The following ARHGAP17 variants were observed in gnomAD, a reference collection of about 807,000 sequenced individuals.
ARHGAP17 encodes Rho GTPase activating protein 17, also known as rho GTPase-activating protein 17.
A neutral mutation model predicts 99.5 loss-of-function variants in ARHGAP17; 57 were observed. That is an observed-to-expected ratio of 0.57 (90% CI 0.46 to 0.71). ARHGAP17 has a LOEUF of 0.71. Ranked by LOEUF, ARHGAP17 falls within the 30% of genes least tolerant of loss-of-function variation. The probability of loss-of-function intolerance (pLI) is 0.00; values close to 1 mark genes in which losing one functional copy is unlikely to be tolerated. For synonymous variants in ARHGAP17, 417 were observed against 429.6 expected (o/e 0.97, Z 0.36); for missense variants, 1,000 against 1,122.4 (o/e 0.89, Z 1.56).
At chr16:24,932,596 A>T (rs1447953649) in intron 18 of ARHGAP17, among the ~76,000 whole-genome samples, 1 of 152,138 alleles carries the variant, frequency 6.6e-6, no homozygotes, top group East Asian at 1.9e-4. Flanking sequence ...CAGAATTTCT[A>T]CCAATTCCGC....
At chr16:24,932,271 C>T (rs1395453714) in intron 18 of ARHGAP17, among the ~76,000 whole-genome samples, 3 of 152,124 alleles carry the variant, frequency 2.0e-5, no homozygotes, top group Non-Finnish European at 4.4e-5. Flanking sequence ...TCTATAAATT[C>T]AAAATTACTC....
intron 1 of ARHGAP17, among the ~76,000 whole-genome samples, chr16:24,988,762 C>T (rs1251030493): frequency 2.6e-5 from 4 of 152,288 alleles, no homozygotes; most frequent in African/African-American, 9.6e-5. Flanking sequence ...GCTCTAACCA[C>T]GTGGCCTGTC....
intron 16 of ARHGAP17, chr16:24,941,769 C>A: frequency 1.7e-6 from 1 of 589,534 alleles, no homozygotes; most frequent in South Asian, 2.0e-5. Flanking sequence ...AGCTGGAATA[C>A]ACGTGGAAGA....
At chr16:24,994,573 G>C (rs965359263) in intron 1 of ARHGAP17, among the ~76,000 whole-genome samples, 2 of 152,110 alleles carry the variant, frequency 1.3e-5, no homozygotes, top group Non-Finnish European at 2.9e-5. Flanking sequence ...AGGGTCCCTG[G>C]GAGTTGTCAC....
At position 24,991,158 on chromosome 16, in the gene ARHGAP17, C is replaced by T. The variant is rs543029263; in HGVS notation, c.54-12153G>A. 2.6e-5 allele frequency among the ~76,000 whole-genome samples: 4 copies of T among 152,222 alleles called. No homozygotes were observed. The South Asian group carries it at 8.3e-4, about 32-fold the overall frequency. ...GAGTCAAACATACCAGACTTTGAAA[C>T]CCAAGGCTAGACGTTCACATGTGCA... On this transcript the variant is annotated intron_variant, in intron 1 of 19. Coordinates refer to ENST00000289968, the MANE Select transcript of ARHGAP17 (RefSeq NM_001006634.3).
At chr16:24,998,611 G>A (rs192010483) in intron 1 of ARHGAP17, among the ~76,000 whole-genome samples, 35 of 152,304 alleles carry the variant, frequency 2.3e-4, no homozygotes, top group Non-Finnish European at 4.1e-4. Context: ...TCAGGAAAAC[G>A]GGACAGAAAA....
chr16:24,962,517 A>G (rs190974109), intron 7 of ARHGAP17, among the ~76,000 whole-genome samples: 7 of 152,308 alleles, frequency 4.6e-5, no homozygotes, highest in African/African-American at 1.7e-4. Flanking sequence ...AAATTTACTG[A>G]CATGTGGTCC....
chr16:24,932,742 C>A (rs556298206), intron 18 of ARHGAP17, among the ~76,000 whole-genome samples: 12 of 151,966 alleles, frequency 7.9e-5, no homozygotes, highest in Non-Finnish European at 1.6e-4. Context: ...GGGATAGGAA[C>A]CTGGGACTGA....
At position 24,939,518 on chromosome 16, in the gene ARHGAP17, G is replaced by T; in HGVS notation, c.1570C>A (p.Gln524Lys). Residue 524 changes from glutamine (Q) to lysine (K), a missense_variant, in exon 17 of 20, where the codon CAG (glutamine) becomes AAG (lysine). Around this residue, in one of 2 missense-constraint regions of ARHGAP17, gnomAD observed 528 missense variants for 511.4 expected, o/e 1.03. Coordinates refer to ENST00000289968, the MANE Select transcript of ARHGAP17 (RefSeq NM_001006634.3). ...CCATCTGTGGGCGGAAGTGGCGGCT[G>T]GAAAGCGGGGGATATGTGCTTTCTA... Reference protein sequence around the residue: ...LNRKHISPAFQPPLPPTDGST... With the variant: ...LNRKHISPAFKPPLPPTDGST... 6.2e-7 allele frequency: 1 copy of T among 1,609,210 alleles called. No individual in the cohort carries two copies. The highest frequency in any genetic ancestry group is 8.5e-7 in the Non-Finnish European group (1 of 1,178,540).
intron 19 of ARHGAP17, among the ~76,000 whole-genome samples, chr16:24,925,832 C>T (rs781143818): frequency 6.6e-6 from 1 of 152,034 alleles, no homozygotes; most frequent in South Asian, 2.1e-4. Context: ...AAAAAAGGGG[C>T]GGGTGTGGTG....
chr16:25,013,431 T>C (rs2053695358), intron 1 of ARHGAP17, among the ~76,000 whole-genome samples: 1 of 152,124 alleles, frequency 6.6e-6, no homozygotes, highest in Non-Finnish European at 1.5e-5. Context: ...GAGACCACCC[T>C]AGGCAACATG....
intron 18 of ARHGAP17, among the ~76,000 whole-genome samples, chr16:24,932,840 A>G (rs141608129): frequency 1.3e-5 from 2 of 152,152 alleles, no homozygotes; most frequent in Non-Finnish European, 2.9e-5. Flanking sequence ...GCCTTTTTCA[A>G]ACTCTGCTAA....
intron 9 of ARHGAP17, 61 bp from the exon 10 acceptor site, chr16:24,954,791 T>C: frequency 1.3e-6 from 2 of 1,595,714 alleles, no homozygotes; most frequent in Admixed American, 1.7e-5. Flanking sequence ...CAAGCTATTT[T>C]CTCCCCAACT....
chr16:24,972,910 G>A (rs983303503), intron 3 of ARHGAP17, among the ~76,000 whole-genome samples: 5 of 151,902 alleles, frequency 3.3e-5, no homozygotes, highest in Non-Finnish European at 4.4e-5. Context: ...CTTCCTAGAG[G>A]TGAACAGCTT....
chr16:24,949,283 T>G, intron 13 of ARHGAP17, 121 bp downstream of exon 13: 1 of 681,690 alleles, frequency 1.5e-6, no homozygotes, highest in Non-Finnish European at 2.4e-6. Context: ...CAAAGTGATG[T>G]GGTTTTTTTT....
chr16:24,995,766 C>A (rs1484640188), intron 1 of ARHGAP17, among the ~76,000 whole-genome samples: 1 of 151,814 alleles, frequency 6.6e-6, no homozygotes, highest in Non-Finnish European at 1.5e-5. Flanking sequence ...GAGTACCAGG[C>A]AGCAAATGTA....
chr16:24,942,175 A>G (rs754393830), intron 15 of ARHGAP17, 32 bp from the exon 16 acceptor site: 1 of 1,580,944 alleles, frequency 6.3e-7, no homozygotes, highest in Non-Finnish European at 8.6e-7. Context: ...AGTGCATGAG[A>G]CACTGAGCAC....
chr16:24,944,269 C>CAAA (rs68043853), intron 14 of ARHGAP17, among the ~76,000 whole-genome samples: 6 of 89,606 alleles, frequency 6.7e-5, no homozygotes, highest in African/African-American at 1.6e-4. Context: ...AACTCTGTCT[C>CAAA]AAAAAAAAAA....
At chr16:24,940,858 C>T (rs1444142114) in intron 16 of ARHGAP17, among the ~76,000 whole-genome samples, 1 of 152,188 alleles carries the variant, frequency 6.6e-6, no homozygotes, top group Non-Finnish European at 1.5e-5. Context: ...TAAAAAGATA[C>T]CTGGCTTCTT....
Sources: gnomAD v4.1 joint callset for allele counts (sites outside exome capture counted in the v4.1 genomes callset) on GRCh38, gnomAD v4.1.1 for gene constraint, gnomAD v4.1.1 regional missense constraint, MANE v1.5 for transcripts, NCBI Gene and HGNC (gene_info 2026-07-23, HGNC 2026-07-21) for gene names.